GPR176: variants seen among roughly 807,000 people sequenced by gnomAD.
The protein encoded by GPR176 is G-protein coupled receptor 176.
A neutral mutation model predicts 35.4 loss-of-function variants in GPR176; 26 were observed. The observed-to-expected ratio is 0.74, with a 90% CI of 0.54 to 1.02. The LOEUF is 1.02. Ranked by LOEUF, GPR176 falls within the 50% of genes least tolerant of loss-of-function variation. The probability of loss-of-function intolerance (pLI) is 0.00; values close to 1 mark genes in which losing one functional copy is unlikely to be tolerated. For missense variants in GPR176, 597 were observed against 665.3 expected, an observed-to-expected ratio of 0.90 and a Z score of 1.13; for synonymous variants, 278 against 271.3, an observed-to-expected ratio of 1.02 and a Z score of -0.24.
At chr15:39,869,444 C>T (rs370550678) in intron 1 of GPR176, among the ~76,000 whole-genome samples, 166 of 152,278 alleles carry the variant, frequency 1.1e-3, no homozygotes, top group African/African-American at 2.7e-3. Context: ...GTCATGATGC[C>T]GACCTCGGGC....
intron 1 of GPR176, among the ~76,000 whole-genome samples, chr15:39,911,407 G>C (rs1204783248): frequency 6.6e-6 from 1 of 152,228 alleles, no homozygotes; most frequent in Non-Finnish European, 1.5e-5. Flanking sequence ...TTATGGTGAA[G>C]CAAGTTTTCA....
chr15:39,894,524 C>T, intron 1 of GPR176: 1 of 181,372 alleles, frequency 5.5e-6, no homozygotes, highest in Non-Finnish European at 1.2e-5. Flanking sequence ...GGCAGAGATG[C>T]TCCTCACCTC....
chr15:39,843,525 G>A (rs1335991971), intron 1 of GPR176, among the ~76,000 whole-genome samples: 1 of 152,072 alleles, frequency 6.6e-6, no homozygotes, highest in Non-Finnish European at 1.5e-5. Context: ...TTTTGCAAGT[G>A]AGCCCACATC....
rs866648502 is a variant in GPR176 at position 39,866,342 on chromosome 15, T to G, written c.172+53513A>C. 3.3e-5 allele frequency among the ~76,000 whole-genome samples: 5 copies of G among 152,158 alleles called. No homozygotes were observed. The South Asian group carries it at 1.0e-3, about 32-fold the overall frequency. Reference sequence around the variant, plus strand: ...GTAAATGTTTAACATATTTAATAAATTACATTAAACTAAAATGGGGAAAAA... The same window carrying G: ...GTAAATGTTTAACATATTTAATAAAGTACATTAAACTAAAATGGGGAAAAA... On this transcript the variant is annotated intron_variant, in intron 1 of 2. Coordinates refer to ENST00000561100, the MANE Select transcript of GPR176 (RefSeq NM_007223.3).
intron 1 of GPR176, among the ~76,000 whole-genome samples, chr15:39,883,651 G>T (rs2032565369): frequency 6.6e-6 from 1 of 151,964 alleles, no homozygotes; most frequent in Admixed American, 6.6e-5. Flanking sequence ...GTTGCTAAAA[G>T]TCTGAGAAAC....
chr15:39,845,800 A>G (rs1301422530), intron 1 of GPR176, among the ~76,000 whole-genome samples: 1 of 152,190 alleles, frequency 6.6e-6, no homozygotes, highest in African/African-American at 2.4e-5. Flanking sequence ...AAACTACGTA[A>G]GCTCTAGAGA....
intron 1 of GPR176, among the ~76,000 whole-genome samples, chr15:39,890,026 T>C (rs1432379671): frequency 1.3e-5 from 2 of 152,226 alleles, no homozygotes; most frequent in African/African-American, 4.8e-5. Flanking sequence ...AATGATGATA[T>C]TTTCATCATG....
chr15:39,908,481 T>A (rs926389594), intron 1 of GPR176, among the ~76,000 whole-genome samples: 1 of 152,176 alleles, frequency 6.6e-6, no homozygotes, highest in Non-Finnish European at 1.5e-5. Flanking sequence ...AAATACTATA[T>A]GTTATCAGTC....
At chr15:39,888,202 A>G (rs1225570779) in intron 1 of GPR176, among the ~76,000 whole-genome samples, 1 of 152,142 alleles carries the variant, frequency 6.6e-6, no homozygotes, top group African/African-American at 2.4e-5. Flanking sequence ...TCTCCCATAT[A>G]CATATAACAC....
At chr15:39,908,075 G>A (rs894812198) in intron 1 of GPR176, among the ~76,000 whole-genome samples, 9 of 152,154 alleles carry the variant, frequency 5.9e-5, no homozygotes, top group African/African-American at 2.2e-4. Context: ...TGGGACAGTT[G>A]CCCCAGTATT....
chr15:39,894,987 G>A (rs1227782584), intron 1 of GPR176, among the ~76,000 whole-genome samples: 1 of 152,204 alleles, frequency 6.6e-6, no homozygotes, highest in African/African-American at 2.4e-5. Context: ...CCCGCACCTC[G>A]GGAGGCCGAG....
chr15:39,829,998 T>C (rs1490024604), intron 1 of GPR176, among the ~76,000 whole-genome samples: 4 of 151,670 alleles, frequency 2.6e-5, no homozygotes, highest in Non-Finnish European at 5.9e-5. Flanking sequence ...AATATATATA[T>C]ACACATTCCC....
At chr15:39,818,296 A>AT (rs1183269842) in intron 1 of GPR176, among the ~76,000 whole-genome samples, 3 of 152,200 alleles carry the variant, frequency 2.0e-5, no homozygotes, top group Non-Finnish European at 2.9e-5. Flanking sequence ...ATTCCAGAGG[A>AT]TTTTTTCTGA....
At chr15:39,829,086 G>A in intron 1 of GPR176, 2 of 1,134,070 alleles carry the variant, frequency 1.8e-6, no homozygotes, top group African/African-American at 1.5e-5. Context: ...ATTACCCAAA[G>A]TTCTAGAAAT....
At chr15:39,826,933 G>C (rs1486184204) in intron 1 of GPR176, among the ~76,000 whole-genome samples, 1 of 152,120 alleles carries the variant, frequency 6.6e-6, no homozygotes, top group Non-Finnish European at 1.5e-5. Flanking sequence ...GTATTAAAAG[G>C]TATGAAGATA....
chr15:39,889,091 T>C (rs1049411582), intron 1 of GPR176, among the ~76,000 whole-genome samples: 2 of 152,028 alleles, frequency 1.3e-5, no homozygotes, highest in African/African-American at 4.8e-5. Context: ...CTACCATGAG[T>C]TTCCCATGTA....
chr15:39,860,964 T>A (rs187461108), intron 1 of GPR176: 2 of 152,248 alleles, frequency 1.3e-5, no homozygotes, highest in Admixed American at 1.3e-4. Context: ...AGAGAAACAC[T>A]ACTAATGGAG....
chr15:39,902,778 A>G (rs1343561770), intron 1 of GPR176, among the ~76,000 whole-genome samples: 2 of 152,224 alleles, frequency 1.3e-5, no homozygotes, highest in Non-Finnish European at 2.9e-5. Context: ...GGAAGCCCCA[A>G]CAAAAAGTAG....
intron 1 of GPR176, among the ~76,000 whole-genome samples, chr15:39,868,414 T>C (rs990807749): frequency 2.0e-5 from 3 of 152,156 alleles, no homozygotes; most frequent in African/African-American, 7.2e-5. Context: ...AGGCAGCTTC[T>C]AAATGAAAGC....
Sources: gnomAD v4.1 joint callset for allele counts (sites outside exome capture counted in the v4.1 genomes callset) on GRCh38, gnomAD v4.1.1 for gene constraint, MANE v1.5 for transcripts, NCBI Gene and HGNC (gene_info 2026-07-23, HGNC 2026-07-21) for gene names.